The following CKMT2 variants were observed in gnomAD, a reference collection of about 807,000 sequenced individuals.
CKMT2 encodes creatine kinase, mitochondrial 2, also known as creatine kinase S-type, mitochondrial.
Under a neutral mutation model 48.9 loss-of-function variants are expected in CKMT2, and 43 were observed. That is an observed-to-expected ratio of 0.88 (90% CI 0.69 to 1.13). The LOEUF (loss-of-function observed/expected upper bound fraction) is 1.13. Among genes scored for constraint, CKMT2 ranks in the 50% most tolerant of loss-of-function variants. The pLI is 0.00. For missense variants in CKMT2, 472 were observed against 555.4 expected (o/e 0.85, Z 1.51); for synonymous variants, 206 against 213.0 (o/e 0.97, Z 0.29).
At chr5:81,242,557 C>T in intron 1 of CKMT2, 1 of 418,190 alleles carries the variant, frequency 2.4e-6, no homozygotes, top group Admixed American at 2.5e-5. Flanking sequence ...TACATAGGCT[C>T]ATCAGAATTG....
intron 3 of CKMT2, among the ~76,000 whole-genome samples, 194 bp downstream of exon 3, chr5:81,253,087 G>A (rs1023097856): frequency 6.6e-6 from 1 of 152,196 alleles, no homozygotes; most frequent in Non-Finnish European, 1.5e-5. Context: ...TAGCTTCCCA[G>A]GGACAAGGCT....
intron 9 of CKMT2, among the ~76,000 whole-genome samples, chr5:81,264,247 AG>A (rs1181884061): frequency 6.6e-6 from 1 of 152,238 alleles, no homozygotes; most frequent in Non-Finnish European, 1.5e-5. Flanking sequence ...ATCACATGTA[AG>A]GAACATGCAG....
intron 8 of CKMT2, among the ~76,000 whole-genome samples, chr5:81,262,928 A>G (rs1167638931): frequency 6.6e-6 from 1 of 152,216 alleles, no homozygotes; most frequent in Admixed American, 6.5e-5. Flanking sequence ...ACCAACCCAA[A>G]TGCCCATCAA....
At chr5:81,244,886 C>T (rs1181877587) in intron 1 of CKMT2, 1 of 147,756 alleles carries the variant, frequency 6.8e-6, no homozygotes, top group African/African-American at 2.5e-5. Context: ...GAGTCTTACT[C>T]CATAGCCCAG....
chr5:81,245,223 AGGGGGT>A (rs1219850650), intron 1 of CKMT2: 1 of 152,120 alleles, frequency 6.6e-6, no homozygotes, highest in East Asian at 1.9e-4. Context: ...GATCCAGAAA[AGGGGGT>A]GGAAAGAGGG....
chr5:81,236,778 G>C (rs1000525897), intron 1 of CKMT2, among the ~76,000 whole-genome samples: 11 of 152,180 alleles, frequency 7.2e-5, no homozygotes, highest in African/African-American at 2.7e-4. Context: ...CCCCGATGTT[G>C]GTTTTCAGAG....
intron 8 of CKMT2, 123 bp from the exon 9 acceptor site, chr5:81,263,364 ATATT>A (rs1390649051): frequency 6.2e-5 from 14 of 224,246 alleles, no homozygotes; most frequent in African/African-American, 1.7e-4. Flanking sequence ...ATAAATATAT[ATATT>A]TATTATATAT....
intron 3 of CKMT2, among the ~76,000 whole-genome samples, chr5:81,254,020 A>G (rs1457281648): frequency 2.0e-5 from 3 of 152,216 alleles, no homozygotes; most frequent in Non-Finnish European, 2.9e-5. Flanking sequence ...CTGATCAGGT[A>G]GCTTCTTGTA....
chr5:81,249,386 A>G (rs1364652191), intron 1 of CKMT2, among the ~76,000 whole-genome samples: 2 of 151,690 alleles, frequency 1.3e-5, no homozygotes, highest in Admixed American at 1.3e-4. Context: ...GGGCCCATAC[A>G]CTCTTTATTT....
intron 1 of CKMT2, 126 bp downstream of exon 1, chr5:81,233,503 G>A: frequency 3.0e-6 from 2 of 664,166 alleles, no homozygotes; most frequent in Non-Finnish European, 3.7e-6. Context: ...CGCTGACTGC[G>A]AGGAGGCAAT....
intron 5 of CKMT2, 34 bp from the exon 6 acceptor site, chr5:81,256,881 C>A: frequency 6.6e-7 from 1 of 1,506,638 alleles, no homozygotes; most frequent in Non-Finnish European, 9.2e-7. Context: ...TCTCATCAGT[C>A]TCTCCTCTCT....
chr5:81,243,010 G>A (rs987523954), intron 1 of CKMT2, among the ~76,000 whole-genome samples: 9 of 152,164 alleles, frequency 5.9e-5, no homozygotes, highest in South Asian at 2.1e-4. Flanking sequence ...CAGGTTATTC[G>A]TTAACTTCCC....
chr5:81,255,298 C>G, intron 5 of CKMT2, 84 bp downstream of exon 5: 1 of 1,226,208 alleles, frequency 8.2e-7, no homozygotes, highest in Non-Finnish European at 1.2e-6. Context: ...GTGCTCTGCT[C>G]AGTCCTTACC....
At chr5:81,255,984 G>A (rs1404723796) in intron 5 of CKMT2, among the ~76,000 whole-genome samples, 1 of 152,138 alleles carries the variant, frequency 6.6e-6, no homozygotes, top group East Asian at 1.9e-4. Context: ...CTGCTTAAGG[G>A]ACATGCTGCT....
At chr5:81,243,501 C>A (rs1472763497) in intron 1 of CKMT2, among the ~76,000 whole-genome samples, 1 of 152,086 alleles carries the variant, frequency 6.6e-6, no homozygotes, top group African/African-American at 2.4e-5. Flanking sequence ...AAGTCATATA[C>A]AGTATATAAT....
intron 9 of CKMT2, 65 bp downstream of exon 9, chr5:81,263,681 G>T: frequency 6.7e-7 from 1 of 1,489,920 alleles, no homozygotes; most frequent in Non-Finnish European, 9.1e-7. Flanking sequence ...ATAGAGAAAA[G>T]CAAACAGCCT....
rs775468930 is a variant in CKMT2, at chr5:81,251,205, G to A, written c.73G>A (p.Val25Ile). The part of the protein sequence containing the change: ...SLLFATMGTS[V>I]LTTGYLLNRQ... The stretch of plus-strand genomic sequence containing the variant: ...GCTGTTTGCTACCATGGGCACCAGT[G>A]TCCTGACCACCGGGTACCTGCTGAA... Residue 25 changes from valine (V) to isoleucine (I), a missense_variant, in exon 2 of 10, where the codon GTC becomes ATC. By Grantham distance (29) the Val-to-Ile change is conservative (BLOSUM62 3). Coordinates refer to ENST00000254035, the MANE Select transcript of CKMT2 (RefSeq NM_001099735.2). 1.1e-5 allele frequency: 18 copies of A among 1,614,162 alleles called. No individual in the cohort carries two copies. The Middle Eastern group carries it at 6.6e-4, about 59-fold the overall frequency.
intron 9 of CKMT2, among the ~76,000 whole-genome samples, chr5:81,265,568 G>A (rs1441406477): frequency 6.6e-6 from 1 of 152,102 alleles, no homozygotes; most frequent in African/African-American, 2.4e-5. Context: ...ACAAATATTT[G>A]GAAACCAAAG....
chr5:81,254,293 G>A, intron 3 of CKMT2, 103 bp from the exon 4 acceptor site: 1 of 856,288 alleles, frequency 1.2e-6, no homozygotes. Flanking sequence ...GAGAAGGAGG[G>A]CATCAACTTT....
Sources: gnomAD v4.1 joint callset for allele counts (sites outside exome capture counted in the v4.1 genomes callset) on GRCh38, gnomAD v4.1.1 for gene constraint, MANE v1.5 for transcripts, NCBI Gene and HGNC (gene_info 2026-07-23, HGNC 2026-07-21) for gene names.